VPS45: variants seen among roughly 807,000 people sequenced by gnomAD.
The protein encoded by VPS45 is vacuolar protein sorting 45 homolog, also known as vacuolar protein sorting-associated protein 45.
VPS45 carries 35 observed loss-of-function variants against 75.9 expected under a neutral mutation model. That is an observed-to-expected ratio of 0.46 (90% CI 0.35 to 0.61). The LOEUF (loss-of-function observed/expected upper bound fraction) is 0.61, where lower values mean the gene tolerates loss of function less well. Ranked by LOEUF, VPS45 falls within the 20% of genes least tolerant of loss-of-function variation. VPS45 has a pLI of 0.00. For missense variants in VPS45, 559 were observed against 685.9 expected (o/e 0.81, Z 2.07); for synonymous variants, 220 against 238.2 (o/e 0.92, Z 0.70).
At chr1:150,122,019 C>T (rs1658259527) in intron 14 of VPS45, among the ~76,000 whole-genome samples, 1 of 152,056 alleles carries the variant, frequency 6.6e-6, no homozygotes, top group South Asian at 2.1e-4. Context: ...GAAAGGCCTC[C>T]TTAAGAAGAG....
intron 14 of VPS45, among the ~76,000 whole-genome samples, chr1:150,111,156 A>G (rs587681333): frequency 1.3e-5 from 2 of 152,346 alleles, no homozygotes; most frequent in Admixed American, 6.5e-5. Context: ...AACATTTAAA[A>G]ATAAGAAAAC....
intron 13 of VPS45, chr1:150,109,123 C>G (rs1657499964): frequency 6.6e-6 from 1 of 152,106 alleles, no homozygotes; most frequent in Non-Finnish European, 1.5e-5. Context: ...CTTTCACCTC[C>G]CAGATTCAAG....
intron 9 of VPS45, 106 bp from the exon 10 acceptor site, chr1:150,082,610 A>G: frequency 7.2e-7 from 1 of 1,395,202 alleles, no homozygotes; most frequent in Non-Finnish European, 9.7e-7. Context: ...AGATGCTTTA[A>G]TCTGGGCTGA....
intron 14 of VPS45, among the ~76,000 whole-genome samples, chr1:150,124,981 C>A (rs1043687927): frequency 1.7e-4 from 26 of 151,718 alleles, no homozygotes; most frequent in Non-Finnish European, 5.9e-5. Context: ...ACTAAAAAGT[C>A]TTTAAAACAA....
At chr1:150,111,379 T>C (rs1657639713) in intron 14 of VPS45, among the ~76,000 whole-genome samples, 1 of 152,192 alleles carries the variant, frequency 6.6e-6, no homozygotes, top group Non-Finnish European at 1.5e-5. Flanking sequence ...AATAGTTGAC[T>C]AGCTGGAATG....
At chr1:150,088,712 C>CA (rs1201911574) in intron 10 of VPS45, among the ~76,000 whole-genome samples, 18 of 152,010 alleles carry the variant, frequency 1.2e-4, no homozygotes, top group Admixed American at 1.2e-3. Flanking sequence ...CTCCTGAGCT[C>CA]AAGCAGTCCA....
At chr1:150,129,211 A>C (rs1553811647) in intron 14 of VPS45, among the ~76,000 whole-genome samples, 1 of 152,218 alleles carries the variant, frequency 6.6e-6, no homozygotes, top group East Asian at 1.9e-4. Flanking sequence ...TCAATGTCTA[A>C]TAGGAAAATA....
intron 13 of VPS45, among the ~76,000 whole-genome samples, chr1:150,095,614 CA>C (rs782156604): frequency 4.8e-5 from 7 of 144,456 alleles, no homozygotes; most frequent in Non-Finnish European, 6.0e-5. Context: ...GACCCCATCT[CA>C]AAAAAAAAAA....
chr1:150,093,582 A>G lies in VPS45; in HGVS notation c.1427A>G (p.His476Arg), dbSNP rs782686298. Reference sequence around the variant, plus strand: ...CCTTTCCTACATGAAACCCTGGATCATCTCATCAAAGGAAGGCTTAAGGAA... The same window carrying G: ...CCTTTCCTACATGAAACCCTGGATCGTCTCATCAAAGGAAGGCTTAAGGAA... Reference protein sequence around the residue: ...HQPFLHETLDHLIKGRLKENL... With the variant: ...HQPFLHETLDRLIKGRLKENL... Residue 476 changes from histidine (H) to arginine (R), a missense_variant, in exon 13 of 15, where the codon CAT becomes CGT. Coordinates refer to ENST00000644510, the MANE Select transcript of VPS45 (RefSeq NM_007259.5). 1.2e-6 allele frequency: 2 copies of G among 1,614,016 alleles called. No homozygotes were observed. The highest frequency in any genetic ancestry group is 1.1e-5 in the South Asian group (1 of 91,078).
At chr1:150,138,540 T>C (rs782735786) in intron 14 of VPS45, among the ~76,000 whole-genome samples, 2 of 152,194 alleles carry the variant, frequency 1.3e-5, no homozygotes, top group Non-Finnish European at 1.5e-5. Flanking sequence ...AGATAATCTG[T>C]TGTTGTGGAG....
At chr1:150,115,833 G>A (rs1423694022) in intron 14 of VPS45, among the ~76,000 whole-genome samples, 10 of 151,894 alleles carry the variant, frequency 6.6e-5, no homozygotes, top group East Asian at 1.9e-4. Flanking sequence ...TTTTCTTACC[G>A]AGGCCTAAGC....
chr1:150,098,919 T>G, intron 13 of VPS45: 1 of 1,236,900 alleles, frequency 8.1e-7, no homozygotes, highest in Non-Finnish European at 1.0e-6. Context: ...TATATGATCA[T>G]GCATTCCAGA....
intron 14 of VPS45, among the ~76,000 whole-genome samples, chr1:150,120,155 G>A (rs1357170534): frequency 6.6e-6 from 1 of 152,078 alleles, no homozygotes; most frequent in Non-Finnish European, 1.5e-5. Context: ...TATTCTGCAT[G>A]CAAATTTCAG....
At chr1:150,099,088 T>G (rs1456399054) in intron 13 of VPS45, 5 of 1,017,944 alleles carry the variant, frequency 4.9e-6, no homozygotes, top group Non-Finnish European at 5.9e-6. Context: ...TTTGTAAGTA[T>G]GTTCAGAAAT....
chr1:150,105,455 T>C lies in VPS45; in HGVS notation c.1494-5041T>C, dbSNP rs115541297. ...TACAAAATCAACATACAAAAATGAG[T>C]AACATTTTTAGGCACCAATAACATT... On this transcript the variant is annotated intron_variant, in intron 13 of 14. Transcript: ENST00000644510. 1.1e-3 allele frequency among the ~76,000 whole-genome samples: 167 copies of C among 152,160 alleles called. 1 individual carries two copies. The highest frequency in any genetic ancestry group is 2.0e-3 in the Non-Finnish European group (136 of 67,982).
At position 150,068,014 on chromosome 1, in the gene VPS45, T is replaced by C. The variant is rs1175553588; in HGVS notation, c.93+64T>C. 15 of 1,478,688 alleles carry C rather than the reference T, an allele frequency of 1.0e-5. No individual in the cohort carries two copies. In the African/African-American group the frequency reaches 1.9e-4, roughly 19 times the overall value. 91.6% of individuals were successfully genotyped at this position (1,478,688 alleles called of 1,614,324 possible). A position where few individuals can be genotyped will look rare whatever the true frequency, so the allele number is the denominator to read the frequency against. On this transcript the variant is annotated intron_variant, in intron 1 of 14. Coordinates refer to ENST00000644510, the MANE Select transcript of VPS45 (RefSeq NM_007259.5). ...CTCAACCTTACAATTGCTCGTCCCA[T>C]TCCACTGTAGGACTTAGCATTTAAT... is the stretch of plus-strand genomic sequence containing the variant.
chr1:150,144,280 G>A (rs1659559825), intron 14 of VPS45, among the ~76,000 whole-genome samples: 1 of 152,078 alleles, frequency 6.6e-6, no homozygotes, highest in Non-Finnish European at 1.5e-5. Flanking sequence ...TAACTCTGGT[G>A]CCACTCTGGA....
intron 14 of VPS45, among the ~76,000 whole-genome samples, chr1:150,128,835 G>T (rs1378057733): frequency 6.6e-6 from 1 of 152,088 alleles, no homozygotes; most frequent in Non-Finnish European, 1.5e-5. Flanking sequence ...CGCCTCCCGG[G>T]TTCAAGCGAT....
intron 14 of VPS45, among the ~76,000 whole-genome samples, chr1:150,143,587 CAA>C (rs1553815864): frequency 2.1e-5 from 3 of 143,954 alleles, no homozygotes; most frequent in Admixed American, 6.9e-5. Flanking sequence ...GACTCCGTCT[CAA>C]AAAAAAAAAA....
Sources: gnomAD v4.1 joint callset for allele counts (sites outside exome capture counted in the v4.1 genomes callset) on GRCh38, gnomAD v4.1.1 for gene constraint, MANE v1.5 for transcripts, NCBI Gene and HGNC (gene_info 2026-07-23, HGNC 2026-07-21) for gene names.